The following FRMPD4 variants were observed in gnomAD, a reference collection of about 807,000 sequenced individuals.
FRMPD4 encodes FERM and PDZ domain-containing protein 4.
A neutral mutation model predicts 94.1 loss-of-function variants in FRMPD4; 22 were observed. The observed-to-expected ratio is 0.23, with a 90% CI of 0.17 to 0.33. The LOEUF is 0.33. Ranked by LOEUF, FRMPD4 falls within the 10% of genes least tolerant of loss-of-function variation. FRMPD4 has a pLI of 1.00. For missense variants in FRMPD4, 1,111 were observed against 1,339.9 expected (o/e 0.83, Z 2.67); for synonymous variants, 631 against 548.6 (o/e 1.15, Z -2.10).
At chrX:11,867,958 C>T (rs1457916167) in intron 2 of FRMPD4, among the ~76,000 whole-genome samples, 2 of 112,341 alleles carry the variant, frequency 1.8e-5, no homozygotes, top group African/African-American at 6.5e-5. Context: ...TCCCTACTCA[C>T]TGCATTTTAT....
chrX:12,670,288 T>C (rs2059826403), intron 4 of FRMPD4, among the ~76,000 whole-genome samples: 1 of 112,031 alleles, frequency 8.9e-6, no homozygotes, highest in Admixed American at 9.5e-5. Flanking sequence ...GTGTTTGGAC[T>C]CAAATAATAT....
At chrX:12,049,827 C>T (rs779960579) in intron 3 of FRMPD4, among the ~76,000 whole-genome samples, 4 of 110,581 alleles carry the variant, frequency 3.6e-5, no homozygotes, top group Non-Finnish European at 5.7e-5. Flanking sequence ...TCTGACCCAT[C>T]GTAGGCTTAG....
chrX:12,301,798 C>T (rs767611504), intron 1 of FRMPD4, among the ~76,000 whole-genome samples: 1 of 111,893 alleles, frequency 8.9e-6, no homozygotes, highest in Admixed American at 9.5e-5. Context: ...TGCCAGATAC[C>T]ATGTTGGAGA....
chrX:12,696,326 T>G (rs1409574507), intron 9 of FRMPD4, among the ~76,000 whole-genome samples: 1 of 111,457 alleles, frequency 9.0e-6, no homozygotes, highest in Non-Finnish European at 1.9e-5. Context: ...TTTCCAGGAA[T>G]GAGTATCTGG....
intron 3 of FRMPD4, among the ~76,000 whole-genome samples, chrX:12,111,984 T>C (rs1413100264): frequency 6.3e-5 from 7 of 111,452 alleles, no homozygotes; most frequent in African/African-American, 2.0e-4. Context: ...GTAAACTAGT[T>C]CAACCATTGT....
intron 3 of FRMPD4, among the ~76,000 whole-genome samples, chrX:12,026,182 A>G (rs750373435): frequency 9.0e-6 from 1 of 111,634 alleles, no homozygotes; most frequent in Non-Finnish European, 1.9e-5. Flanking sequence ...CCAAGCCACC[A>G]TCATCTCTTG....
intron 3 of FRMPD4, among the ~76,000 whole-genome samples, chrX:12,106,758 G>A (rs999056745): frequency 3.6e-5 from 4 of 111,628 alleles, no homozygotes; most frequent in Admixed American, 1.9e-4. Context: ...TATATCCCGC[G>A]CCTGGCTCAG....
chrX:12,512,369 C>CT lies in FRMPD4; in HGVS notation c.158+13574dup, dbSNP rs761470772. 7.1e-5 allele frequency among the ~76,000 whole-genome samples: 8 copies of CT among 112,108 alleles called. No individual in the cohort carries two copies. In the East Asian group the frequency reaches 2.3e-3, roughly 32 times the overall value. ...TTAGCTATTTATCCTGACGCTCTCC[C>CT]TCCCCCCACAACCCCCAACTACAGG... On this transcript the variant is annotated intron_variant, in intron 2 of 16. Transcript: ENST00000675598.
chrX:12,189,219 C>G (rs2056461183), intron 1 of FRMPD4, among the ~76,000 whole-genome samples: 1 of 111,380 alleles, frequency 9.0e-6, no homozygotes, highest in Non-Finnish European at 1.9e-5. Flanking sequence ...AAAACTCATA[C>G]AAGAAAAAAT....
intron 1 of FRMPD4, among the ~76,000 whole-genome samples, chrX:12,300,159 CAG>C (rs1459333577): frequency 9.0e-6 from 1 of 111,346 alleles, no homozygotes; most frequent in Non-Finnish European, 1.9e-5. Context: ...CCTTAGAGGA[CAG>C]AGAGTTTGGA....
intron 4 of FRMPD4, among the ~76,000 whole-genome samples, chrX:12,621,968 G>GAGAA (rs1171799513): frequency 0.023 from 946 of 41,039 alleles, 70 homozygotes; most frequent in Middle Eastern, 0.036. Flanking sequence ...AAGAAAGAAA[G>GAGAA]AGAAAGAAAG....
chrX:12,487,440 A>C (rs1281715189), intron 1 of FRMPD4, among the ~76,000 whole-genome samples: 1 of 112,355 alleles, frequency 8.9e-6, no homozygotes, highest in African/African-American at 3.2e-5. Flanking sequence ...CATTATCCTT[A>C]TTTATATCTT....
At chrX:12,454,814 C>T (rs1222237945) in intron 1 of FRMPD4, among the ~76,000 whole-genome samples, 1 of 46,057 alleles carries the variant, frequency 2.2e-5, no homozygotes, top group African/African-American at 5.5e-5. Flanking sequence ...TAGAAAGCCA[C>T]GTTTTTTTTT....
At chrX:11,834,256 T>C (rs766432135) in intron 1 of FRMPD4, among the ~76,000 whole-genome samples, 1 of 111,991 alleles carries the variant, frequency 8.9e-6, no homozygotes, top group East Asian at 2.8e-4. Flanking sequence ...AATAAGGTTT[T>C]CCAAGGACCC....
At chrX:11,885,788 C>T (rs1307070485) in intron 3 of FRMPD4, among the ~76,000 whole-genome samples, 3 of 110,959 alleles carry the variant, frequency 2.7e-5, no homozygotes, top group Non-Finnish European at 5.7e-5. Context: ...AAGCATTTTC[C>T]TGGGAGAAAG....
intron 3 of FRMPD4, among the ~76,000 whole-genome samples, chrX:11,910,325 C>T (rs1325263708): frequency 1.8e-5 from 2 of 112,144 alleles, no homozygotes; most frequent in African/African-American, 6.5e-5. Flanking sequence ...AAAACATATA[C>T]ACTAAGTAAA....
intron 3 of FRMPD4, among the ~76,000 whole-genome samples, chrX:12,095,457 C>T (rs1238885291): frequency 9.1e-6 from 1 of 110,246 alleles, no homozygotes; most frequent in East Asian, 2.8e-4. Context: ...AAATAAATTT[C>T]AATTGAAACA....
intron 3 of FRMPD4, among the ~76,000 whole-genome samples, chrX:12,036,916 G>A (rs761973451): frequency 6.2e-5 from 7 of 112,030 alleles, no homozygotes; most frequent in Non-Finnish European, 1.9e-5. Flanking sequence ...TAATTTATAC[G>A]ATTTATCTGT....
intron 3 of FRMPD4, among the ~76,000 whole-genome samples, chrX:12,025,610 A>G (rs2054655747): frequency 9.0e-6 from 1 of 111,714 alleles, no homozygotes; most frequent in South Asian, 3.8e-4. Context: ...GTTACAAAAG[A>G]CTGACTTCCA....
Sources: allele counts gnomAD v4.1 joint callset (sites outside exome capture counted in the v4.1 genomes callset), GRCh38; gene constraint gnomAD v4.1.1; transcripts MANE v1.5; gene names NCBI Gene and HGNC (gene_info 2026-07-23, HGNC 2026-07-21).